The following UGP2 variants were observed in gnomAD, a reference collection of about 807,000 sequenced individuals.
UGP2 encodes UTP--glucose-1-phosphate uridylyltransferase.
In UGP2, 40 loss-of-function variants were observed where a neutral mutation model predicts 49.0. The ratio of observed to expected loss-of-function variants is 0.82; its 90% CI spans 0.63 to 1.06. UGP2 has a LOEUF of 1.06. Among genes scored for constraint, UGP2 ranks in the 50% least tolerant of loss-of-function variants. The pLI is 0.00. For missense variants in UGP2, 460 were observed against 603.5 expected, an observed-to-expected ratio of 0.76 and a Z score of 2.49; for synonymous variants, 225 against 213.0, an observed-to-expected ratio of 1.06 and a Z score of -0.49.
At chr2:63,859,489 A>T (rs769695440) in intron 3 of UGP2, among the ~76,000 whole-genome samples, 1 of 152,144 alleles carries the variant, frequency 6.6e-6, no homozygotes, top group Admixed American at 6.6e-5. Flanking sequence ...ATCATGATAT[A>T]TAGTAGGGAT....
intron 3 of UGP2, among the ~76,000 whole-genome samples, chr2:63,875,880 T>C (rs962823178): frequency 1.3e-5 from 2 of 152,180 alleles, no homozygotes; most frequent in African/African-American, 4.8e-5. Flanking sequence ...GTGATTAGAA[T>C]TGAAAGCACA....
chr2:63,849,583 A>G (rs937007297), intron 1 of UGP2, among the ~76,000 whole-genome samples: 1 of 152,230 alleles, frequency 6.6e-6, no homozygotes, highest in African/African-American at 2.4e-5. Context: ...AGAGCATGAG[A>G]TGCAGTAAGA....
intron 1 of UGP2, among the ~76,000 whole-genome samples, chr2:63,849,006 C>G (rs1451245196): frequency 6.6e-6 from 1 of 152,150 alleles, no homozygotes; most frequent in Non-Finnish European, 1.5e-5. Context: ...TTTTGAGAAA[C>G]ATGGAGAAAT....
In UGP2 at chr2:63,885,567, A is replaced by G. The variant is rs775171311; in HGVS notation, c.576-22A>G. 19 of 1,507,046 alleles carry G rather than the reference A, an allele frequency of 1.3e-5. No individual in the cohort carries two copies. In the Middle Eastern group the frequency reaches 1.2e-3, roughly 98 times the overall value. 93.4% of individuals were successfully genotyped at this position (1,507,046 alleles called of 1,614,324 possible). ...ATGCTCTACAGGGTCAATATTGAAA[A>G]AGAACTTTTTTTTTTTTAAAGGTAC... is the stretch of plus-strand genomic sequence containing the variant. On this transcript the variant is annotated intron_variant, in intron 5 of 9. Coordinates refer to ENST00000337130, the MANE Select transcript of UGP2 (RefSeq NM_006759.4).
At chr2:63,872,177 G>A (rs1670600420) in intron 3 of UGP2, among the ~76,000 whole-genome samples, 1 of 152,222 alleles carries the variant, frequency 6.6e-6, no homozygotes, top group South Asian at 2.1e-4. Context: ...ATGTCTGGGA[G>A]ATCATTCAGC....
chr2:63,875,607 G>C (rs929237187), intron 3 of UGP2, among the ~76,000 whole-genome samples: 7 of 152,290 alleles, frequency 4.6e-5, no homozygotes, highest in Non-Finnish European at 1.0e-4. Context: ...CTAGAGGGCT[G>C]AATGTTGTTT....
intron 1 of UGP2, among the ~76,000 whole-genome samples, chr2:63,847,457 G>A (rs1353735238): frequency 6.6e-6 from 1 of 152,172 alleles, no homozygotes; most frequent in East Asian, 1.9e-4. Context: ...TTTTGCAGAA[G>A]TATAGGCTTT....
At chr2:63,890,209 T>A (rs1671997205) in intron 9 of UGP2, 24 bp downstream of exon 9, 5 of 1,534,254 alleles carry the variant, frequency 3.3e-6, no homozygotes, top group Non-Finnish European at 4.5e-6. Flanking sequence ...ATGAAAATTA[T>A]ATTTCTTACA....
At chr2:63,890,620 C>T (rs1017127718) in intron 9 of UGP2, among the ~76,000 whole-genome samples, 6 of 152,126 alleles carry the variant, frequency 3.9e-5, no homozygotes, top group African/African-American at 1.4e-4. Context: ...ATTTCATATA[C>T]TCCTCCCATT....
intron 3 of UGP2, among the ~76,000 whole-genome samples, chr2:63,870,200 G>A (rs1349203260): frequency 6.6e-6 from 1 of 152,114 alleles, no homozygotes; most frequent in African/African-American, 2.4e-5. Flanking sequence ...GGGATTACCG[G>A]TGTGAGCCAC....
chr2:63,888,676 T>C (rs1217826903), intron 8 of UGP2: 5 of 152,208 alleles, frequency 3.3e-5, no homozygotes, highest in Admixed American at 2.6e-4. Flanking sequence ...TCACCTAACA[T>C]GCACATCTTT....
intron 3 of UGP2, among the ~76,000 whole-genome samples, chr2:63,877,999 CAAAAAAAAAAAAAAAAAAA>C (rs61669991): frequency 5.9e-5 from 4 of 67,886 alleles, no homozygotes; most frequent in African/African-American, 2.4e-4. Context: ...GACTCCGTCT[CAAAAAAAAAAAAAAAAAAA>C]AAAAAAAAAA....
At position 63,856,319 on chromosome 2, in the gene UGP2, A is replaced by C. The variant is rs528845916; in HGVS notation, c.33A>C (p.Ala11=). 8 of 1,613,014 alleles carry C rather than the reference A, an allele frequency of 5.0e-6. No individual in the cohort carries two copies. The East Asian group carries it at 1.1e-4, about 22-fold the overall frequency. The part of the protein sequence containing the change: MSRFVQDLSK[A]MSQDGASQFQ... The stretch of plus-strand genomic sequence containing the variant: ...TTTTGTTTTAAGATCTTAGCAAAGC[A>C]ATGTCTCAAGATGGTGCTTCTCAGT... The change falls in exon 2 of 10, where the codon GCA becomes GCC. Residue 11 remains alanine, a synonymous_variant. Transcript: ENST00000337130.
At chr2:63,877,023 AC>A (rs1670949744) in intron 3 of UGP2, among the ~76,000 whole-genome samples, 1 of 152,242 alleles carries the variant, frequency 6.6e-6, no homozygotes, top group Non-Finnish European at 1.5e-5. Context: ...AATCTATATC[AC>A]CATCATAGAA....
chr2:63,875,894 A>T (rs1416374179), intron 3 of UGP2, among the ~76,000 whole-genome samples: 1 of 152,178 alleles, frequency 6.6e-6, no homozygotes, highest in Non-Finnish European at 1.5e-5. Flanking sequence ...AAGCACAAAG[A>T]TCGCACTGGT....
At position 63,842,032 on chromosome 2, in the gene UGP2, A is replaced by G; in HGVS notation, c.-154A>G. On this transcript the variant is annotated 5_prime_UTR_variant, in exon 1 of 10. Transcript: ENST00000337130. ...TTTCTTTTTTCTTGAGCCAGTTTTA[A>G]TCGCTTTGAATAAATACTCCCTTAA... 2 of 849,736 alleles carry G rather than the reference A, an allele frequency of 2.4e-6. No individual in the cohort carries two copies. The highest frequency in any genetic ancestry group is 3.3e-6 in the Non-Finnish European group (2 of 601,412). The allele number at this position is 849,736 out of a possible 1,614,324, so 52.6% of individuals were successfully genotyped here. A position where few individuals can be genotyped will look rare whatever the true frequency, so the allele number is the denominator to read the frequency against.
At chr2:63,871,376 C>T (rs541667853) in intron 3 of UGP2, among the ~76,000 whole-genome samples, 93 of 152,288 alleles carry the variant, frequency 6.1e-4, no homozygotes, top group Admixed American at 1.1e-3. Flanking sequence ...ACCTCTGCCT[C>T]CCAGGTTCAA....
chr2:63,863,264 G>A (rs1188877949), intron 3 of UGP2, among the ~76,000 whole-genome samples: 2 of 152,136 alleles, frequency 1.3e-5, no homozygotes, highest in Admixed American at 6.5e-5. Flanking sequence ...GGTTTAGGGA[G>A]CAGTTGGTAC....
At chr2:63,856,764 A>C (rs1336061945) in intron 2 of UGP2, 1 of 469,494 alleles carries the variant, frequency 2.1e-6, no homozygotes, top group Middle Eastern at 3.2e-4. Flanking sequence ...AGTTAGCTTC[A>C]TATGTCCTGC....
Sources: allele counts gnomAD v4.1 joint callset (sites outside exome capture counted in the v4.1 genomes callset), GRCh38; gene constraint gnomAD v4.1.1; transcripts MANE v1.5; gene names NCBI Gene and HGNC (gene_info 2026-07-23, HGNC 2026-07-21).